The following GFPT1 variants were observed in gnomAD, a reference collection of about 807,000 sequenced individuals.
GFPT1 encodes the protein glutamine--fructose-6-phosphate transaminase 1.
Under a neutral mutation model 92.0 loss-of-function variants are expected in GFPT1, and 40 were observed. The ratio of observed to expected loss-of-function variants is 0.43; its 90% CI spans 0.34 to 0.57. The LOEUF (loss-of-function observed/expected upper bound fraction) is 0.57. Ranked by LOEUF, GFPT1 falls within the 20% of genes least tolerant of loss-of-function variation. GFPT1 has a pLI of 0.02. For synonymous variants in GFPT1, 269 were observed against 280.6 expected (o/e 0.96, Z 0.41); for missense variants, 448 against 869.1 (o/e 0.52, Z 6.09).
At chr2:69,342,396 T>C (rs1670974285) in intron 12 of GFPT1, 147 bp from the exon 13 acceptor site, 2 of 648,974 alleles carry the variant, frequency 3.1e-6, no homozygotes, top group Non-Finnish European at 5.4e-6. Flanking sequence ...CAGTTCTCTG[T>C]AATTTTGAAA....
Position 69,333,619 on chromosome 2 carries a change from A to G in GFPT1, c.1483-3821T>C, listed in dbSNP as rs558727348. Among the ~76,000 whole-genome samples the G allele has an allele frequency of 7.8e-4, 119 of 152,266 alleles. 1 individual carries two copies. Among genetic ancestry groups the G allele is most frequent in the Non-Finnish European group, 1.2e-3 (84 of 68,026 alleles). On this transcript the variant is annotated intron_variant, in intron 15 of 19. Transcript: ENST00000357308. Reference sequence around the variant, plus strand: ...CAAAGTTACATTTTTATTTTTTTAAATCAACAAAAGTCAGCACTGTGGTGA... The same window carrying G: ...CAAAGTTACATTTTTATTTTTTTAAGTCAACAAAAGTCAGCACTGTGGTGA...
intron 10 of GFPT1, among the ~76,000 whole-genome samples, chr2:69,349,120 C>T (rs1363504080): frequency 6.6e-6 from 1 of 152,216 alleles, no homozygotes; most frequent in African/African-American, 2.4e-5. Context: ...TAGCATTCTG[C>T]AGCTCTTGTC....
rs893570384 is a variant in GFPT1 at position 69,322,095 on chromosome 2, T to C, written c.*4094A>G. On this transcript the variant is annotated 3_prime_UTR_variant, in exon 20 of 20. Coordinates refer to ENST00000357308, the MANE Select transcript of GFPT1 (RefSeq NM_001244710.2). ...GTGAGAAAAAAACTGATTTAAGTGT[T>C]AGCATTTCTAAACTTGAGACTCTAA... The C allele has an allele frequency of 6.6e-6, 1 of 152,184 alleles. No individual in the cohort carries two copies. 9.4% of individuals were successfully genotyped at this position (152,184 alleles called of 1,614,324 possible).
intron 1 of GFPT1, among the ~76,000 whole-genome samples, chr2:69,381,092 G>A (rs969517505): frequency 5.3e-5 from 8 of 151,654 alleles, no homozygotes; most frequent in Non-Finnish European, 5.9e-5. Flanking sequence ...CGATTCTCCC[G>A]CCTCAGCCTC....
At chr2:69,346,937 T>A (rs1671097119) in intron 11 of GFPT1, among the ~76,000 whole-genome samples, 1 of 151,878 alleles carries the variant, frequency 6.6e-6, no homozygotes, top group South Asian at 2.1e-4. Flanking sequence ...TGAGACAGAG[T>A]CTCACTCTGT....
At chr2:69,366,416 GA>G (rs1164881954) in intron 3 of GFPT1, among the ~76,000 whole-genome samples, 1 of 152,034 alleles carries the variant, frequency 6.6e-6, no homozygotes, top group Non-Finnish European at 1.5e-5. Context: ...GCCCTTTGCT[GA>G]ATCTTAAGTC....
chr2:69,359,206 C>A lies in GFPT1; in HGVS notation c.408+62G>T, dbSNP rs1376104124. 34 of 860,672 alleles carry A rather than the reference C, an allele frequency of 4.0e-5. 1 individual carries two copies. The South Asian group carries it at 4.1e-4, about 10-fold the overall frequency. 53.3% of individuals were successfully genotyped at this position (860,672 alleles called of 1,614,324 possible). On this transcript the variant is annotated intron_variant, in intron 5 of 19. Transcript: ENST00000357308. ...GTTTGTTGCACATCCCAACAACCGA[C>A]CCCAGTGCTCTCGTTAGAAGTATTC...
At chr2:69,333,399 T>C (rs941624991) in intron 15 of GFPT1, among the ~76,000 whole-genome samples, 1 of 152,208 alleles carries the variant, frequency 6.6e-6, no homozygotes, top group African/African-American at 2.4e-5. Flanking sequence ...TGTTTTTCCA[T>C]TGCATTGCTA....
intron 16 of GFPT1, 66 bp downstream of exon 16, chr2:69,329,618 A>G: frequency 9.0e-7 from 1 of 1,109,920 alleles, no homozygotes. Flanking sequence ...CTTCAAGGAT[A>G]AGAGAATTTT....
intron 1 of GFPT1, among the ~76,000 whole-genome samples, chr2:69,381,884 G>A (rs1259773136): frequency 7.0e-6 from 1 of 142,208 alleles, no homozygotes; most frequent in African/African-American, 2.7e-5. Context: ...TTTTAATTGA[G>A]ACAGAGTGTC....
At chr2:69,376,436 T>G (rs1376443475) in intron 1 of GFPT1, among the ~76,000 whole-genome samples, 3 of 152,012 alleles carry the variant, frequency 2.0e-5, no homozygotes, top group Non-Finnish European at 4.4e-5. Flanking sequence ...ACTTGAACCC[T>G]TGAACCCAGG....
intron 3 of GFPT1, among the ~76,000 whole-genome samples, chr2:69,368,035 G>A (rs1262968792): frequency 6.6e-6 from 1 of 152,212 alleles, no homozygotes; most frequent in African/African-American, 2.4e-5. Flanking sequence ...GATCGCCTGA[G>A]GTCAGGAGTT....
At chr2:69,378,141 A>C (rs1671923382) in intron 1 of GFPT1, among the ~76,000 whole-genome samples, 1 of 152,112 alleles carries the variant, frequency 6.6e-6, no homozygotes, top group South Asian at 2.1e-4. Context: ...AAGTAGCTGG[A>C]ATTACAGTGG....
chr2:69,335,405 G>A lies in GFPT1; in HGVS notation c.1482+2493C>T, dbSNP rs143543055. Among the ~76,000 whole-genome samples the A allele has an allele frequency of 2.0e-5, 3 of 152,318 alleles. No homozygotes were observed. The East Asian group carries it at 5.8e-4, about 29-fold the overall frequency. ...TCTCATAAACAAAGGAATGAGAAATGTAAAATATATATTTCCCTTGGCAGC... is the reference window on the plus strand; with the variant it reads ...TCTCATAAACAAAGGAATGAGAAATATAAAATATATATTTCCCTTGGCAGC... On this transcript the variant is annotated intron_variant, in intron 15 of 19. Transcript: ENST00000357308.
chr2:69,331,646 G>A (rs1047543085), intron 15 of GFPT1, among the ~76,000 whole-genome samples: 1 of 152,020 alleles, frequency 6.6e-6, no homozygotes, highest in Non-Finnish European at 1.5e-5. Flanking sequence ...TAACCTGACT[G>A]AATGACTGAT....
At position 69,326,243 on chromosome 2, in the gene GFPT1, G is replaced by GAAAAAAA; in HGVS notation, c.2056-17_2056-11dup. 1.5e-6 allele frequency: 2 copies of GAAAAAAA among 1,346,802 alleles called. No homozygotes were observed. The highest frequency in any genetic ancestry group is 1.5e-5 in the African/African-American group (1 of 65,714). The allele number at this position is 1,346,802 out of a possible 1,614,324, so 83.4% of individuals were successfully genotyped here. On this transcript the variant is annotated splice_polypyrimidine_tract_variant and intron_variant, in intron 19 of 19. Coordinates refer to ENST00000357308, the MANE Select transcript of GFPT1 (RefSeq NM_001244710.2). ...TCCGTGGGAAATCAACCTGCAAAAA[G>GAAAAAAA]AAAAAAAAAAAAAGCAAGATTTGAG...
chr2:69,329,508 T>G (rs1416963744), intron 16 of GFPT1, 84 bp from the exon 17 acceptor site: 2 of 1,108,840 alleles, frequency 1.8e-6, no homozygotes, highest in Non-Finnish European at 2.7e-6. Flanking sequence ...AAAAGACCAG[T>G]GTTTCTATTC....
chr2:69,330,863 G>A (rs893396585), intron 15 of GFPT1, among the ~76,000 whole-genome samples: 1 of 151,936 alleles, frequency 6.6e-6, no homozygotes, highest in African/African-American at 2.4e-5. Flanking sequence ...CATCTCTTTA[G>A]GCCTCAGATA....
intron 15 of GFPT1, among the ~76,000 whole-genome samples, chr2:69,337,130 T>A (rs1040189211): frequency 2.7e-5 from 4 of 147,948 alleles, no homozygotes; most frequent in African/African-American, 1.0e-4. Flanking sequence ...AGTGGCACAA[T>A]CTCGCTTCAC....
Sources: gnomAD v4.1 joint callset for allele counts (sites outside exome capture counted in the v4.1 genomes callset) on GRCh38, gnomAD v4.1.1 for gene constraint, MANE v1.5 for transcripts, NCBI Gene and HGNC (gene_info 2026-07-23, HGNC 2026-07-21) for gene names.